XKR9: variants seen among roughly 807,000 people sequenced by gnomAD.
XKR9 encodes XK-related protein 9.
A neutral mutation model predicts 32.0 loss-of-function variants in XKR9; 32 were observed. The observed-to-expected ratio is 1.00, with a 90% CI of 0.76 to 1.34. The LOEUF is 1.34. Among genes scored for constraint, XKR9 ranks in the 40% most tolerant of loss-of-function variants. The pLI, the probability that XKR9 is intolerant of heterozygous loss-of-function variation, is 0.00. For synonymous variants in XKR9, 168 were observed against 143.4 expected, an observed-to-expected ratio of 1.17 and a Z score of -1.22; for missense variants, 546 against 429.7, an observed-to-expected ratio of 1.27 and a Z score of -2.39.
the XKR9 span, among the ~76,000 whole-genome samples, chr8:70,798,261 A>G: frequency 2.8e-3 from 432 of 151,856 alleles, no homozygotes; most frequent in Non-Finnish European, 5.2e-3. Flanking sequence ...GACTGGTGTG[A>G]GGTAGTATCT....
At chr8:70,842,547 TACACACAC>T in the XKR9 span, among the ~76,000 whole-genome samples, 16 of 149,134 alleles carry the variant, frequency 1.1e-4, no homozygotes, top group South Asian at 4.3e-4. Context: ...CATCATTATT[TACACACAC>T]ACACACACAC....
the XKR9 span, among the ~76,000 whole-genome samples, chr8:70,805,611 C>T: frequency 6.6e-6 from 1 of 152,178 alleles, no homozygotes; most frequent in East Asian, 1.9e-4. Context: ...AGACATGTTC[C>T]CCCACAGCCC....
the XKR9 span, among the ~76,000 whole-genome samples, chr8:70,918,632 G>A: frequency 3.3e-5 from 5 of 151,832 alleles, no homozygotes; most frequent in African/African-American, 1.2e-4. Flanking sequence ...GGCAGAGATT[G>A]CACTGAGCTG....
chr8:70,813,767 G>T, the XKR9 span, among the ~76,000 whole-genome samples: 12 of 152,274 alleles, frequency 7.9e-5, no homozygotes, highest in East Asian at 2.1e-3. Flanking sequence ...CAGTTAGAAT[G>T]GCAATCATTA....
At chr8:70,751,002 A>G (rs1807132024) in intron 2 of XKR9, among the ~76,000 whole-genome samples, 1 of 152,210 alleles carries the variant, frequency 6.6e-6, no homozygotes, top group South Asian at 2.1e-4. Flanking sequence ...AATAGAGCAG[A>G]TGACTTATCT....
the XKR9 span, among the ~76,000 whole-genome samples, chr8:70,935,192 T>C: frequency 4.1e-4 from 19 of 46,362 alleles, no homozygotes; most frequent in East Asian, 0.011. Context: ...TACATATATA[T>C]ATACATATAC....
intron 2 of XKR9, among the ~76,000 whole-genome samples, chr8:70,759,813 T>C (rs1039409509): frequency 6.6e-6 from 1 of 152,186 alleles, no homozygotes; most frequent in Admixed American, 6.5e-5. Context: ...ATGTATTAGT[T>C]CAAACCAAAG....
At chr8:70,789,059 A>G (rs1807728709) in intron 2 of XKR9, among the ~76,000 whole-genome samples, 1 of 152,044 alleles carries the variant, frequency 6.6e-6, no homozygotes, top group African/African-American at 2.4e-5. Flanking sequence ...TATTTAATCA[A>G]ACTAATTTAC....
chr8:70,918,087 C>G, the XKR9 span, among the ~76,000 whole-genome samples: 8 of 152,312 alleles, frequency 5.3e-5, no homozygotes, highest in South Asian at 4.1e-4. Flanking sequence ...TGAGAAAGTT[C>G]TTCTGCTTCA....
chr8:70,943,443 CA>C, the XKR9 span, among the ~76,000 whole-genome samples: 76 of 151,918 alleles, frequency 5.0e-4, no homozygotes, highest in East Asian at 0.014. Context: ...CATTTTGACT[CA>C]AAAATTAAGG....
the XKR9 span, among the ~76,000 whole-genome samples, chr8:70,813,736 C>T: frequency 1.3e-5 from 2 of 152,160 alleles, no homozygotes; most frequent in African/African-American, 2.4e-5. Flanking sequence ...ATCAAAACCG[C>T]AATGAGATAC....
chr8:70,946,927 G>C, the XKR9 span, among the ~76,000 whole-genome samples: 2 of 152,158 alleles, frequency 1.3e-5, no homozygotes, highest in Admixed American at 1.3e-4. Flanking sequence ...GTCCAGAAGG[G>C]AACTTTACAG....
chr8:70,717,724 G>A (rs1465972861), intron 4 of XKR9, among the ~76,000 whole-genome samples: 1 of 152,146 alleles, frequency 6.6e-6, no homozygotes, highest in Non-Finnish European at 1.5e-5. Context: ...CATTGTCCTG[G>A]TGATTAACAT....
chr8:71,015,260 AC>A, the XKR9 span, among the ~76,000 whole-genome samples: 1 of 152,112 alleles, frequency 6.6e-6, no homozygotes, highest in Admixed American at 6.5e-5. Context: ...CTGTCAAAAA[AC>A]GTCTGTTTTT....
At chr8:70,958,113 T>G in the XKR9 span, among the ~76,000 whole-genome samples, 1 of 152,190 alleles carries the variant, frequency 6.6e-6, no homozygotes, top group African/African-American at 2.4e-5. Flanking sequence ...GATGGGCATT[T>G]AGGTTGATTC....
chr8:70,775,237 A>AT (rs763044035), intron 2 of XKR9, among the ~76,000 whole-genome samples: 16 of 151,868 alleles, frequency 1.1e-4, no homozygotes, highest in African/African-American at 1.9e-4. Context: ...ATTTTTTGGT[A>AT]TTTTTTATGT....
chr8:70,715,411 G>A (rs1806055449), intron 4 of XKR9, among the ~76,000 whole-genome samples: 1 of 152,120 alleles, frequency 6.6e-6, no homozygotes, highest in African/African-American at 2.4e-5. Flanking sequence ...TATGTGACAA[G>A]GTGAACAGAT....
chr8:70,742,128 A>C (rs760614269), intron 2 of XKR9, among the ~76,000 whole-genome samples: 5 of 152,144 alleles, frequency 3.3e-5, no homozygotes, highest in Non-Finnish European at 7.4e-5. Context: ...ATATTTAATT[A>C]AGGGTTAACA....
At chr8:71,047,118 C>A in the XKR9 span, among the ~76,000 whole-genome samples, 2 of 152,104 alleles carry the variant, frequency 1.3e-5, no homozygotes, top group African/African-American at 4.8e-5. Flanking sequence ...AATGAAAAAG[C>A]TTTATGAGAA....
Sources: allele counts gnomAD v4.1 joint callset (sites outside exome capture counted in the v4.1 genomes callset), GRCh38; gene constraint gnomAD v4.1.1; transcripts MANE v1.5; gene names NCBI Gene and HGNC (gene_info 2026-07-23, HGNC 2026-07-21).